DOCK2: variants seen among roughly 807,000 people sequenced by gnomAD.
DOCK2 encodes dedicator of cytokinesis protein 2.
Under a neutral mutation model 248.9 loss-of-function variants are expected in DOCK2, and 87 were observed. The ratio of observed to expected loss-of-function variants is 0.35; its 90% CI spans 0.29 to 0.42. The LOEUF is 0.42. DOCK2 is among the 10% of genes least tolerant of loss of function. The pLI is 1.00. For missense variants in DOCK2, 1,747 were observed against 2,300.2 expected (o/e 0.76, Z 4.92); for synonymous variants, 805 against 821.6 (o/e 0.98, Z 0.35).
chr5:169,737,208 G>A (rs1336503805), intron 22 of DOCK2, among the ~76,000 whole-genome samples: 2 of 152,138 alleles, frequency 1.3e-5, no homozygotes, highest in Admixed American at 6.5e-5. Flanking sequence ...GGTGTAGTAG[G>A]TGAAAATAAA....
chr5:169,888,977 C>T (rs1477275335), intron 27 of DOCK2, among the ~76,000 whole-genome samples: 1 of 152,156 alleles, frequency 6.6e-6, no homozygotes, highest in Admixed American at 6.5e-5. Flanking sequence ...TAGCATTGTG[C>T]TTGTCTCTCT....
In DOCK2 at chr5:169,728,838, G is replaced by A. The variant is rs183887418; in HGVS notation, c.2267+10047G>A. Among the ~76,000 whole-genome samples the A allele has an allele frequency of 4.9e-4, 74 of 152,234 alleles. 1 individual carries two copies. Among genetic ancestry groups the A allele is most frequent in the African/African-American group, 1.4e-3 (58 of 41,522 alleles). On this transcript the variant is annotated intron_variant, in intron 22 of 51. Coordinates refer to ENST00000520908, the MANE Select transcript of DOCK2 (RefSeq NM_004946.3). ...TTTCATACTTCACTCATAGCAAAGC[G>A]TAAGACACTGGTCTTGTCTGCTTCC...
At chr5:169,825,421 C>T (rs895167612) in intron 26 of DOCK2, among the ~76,000 whole-genome samples, 4 of 151,126 alleles carry the variant, frequency 2.6e-5, no homozygotes, top group Non-Finnish European at 5.9e-5. Context: ...ACATATACAC[C>T]GTGGAATACT....
chr5:169,724,536 G>A (rs78908126), intron 22 of DOCK2, among the ~76,000 whole-genome samples: 1 of 151,942 alleles, frequency 6.6e-6, no homozygotes, highest in Non-Finnish European at 1.5e-5. Context: ...ACCCCCGAGA[G>A]CCGAGAAAGC....
chr5:170,060,298 T>C (rs1322843235), intron 44 of DOCK2, among the ~76,000 whole-genome samples: 3 of 152,300 alleles, frequency 2.0e-5, no homozygotes, highest in East Asian at 3.9e-4. Context: ...GTTTTAATCA[T>C]CTGTAAATAG....
At chr5:169,976,107 C>G (rs1342034614) in intron 27 of DOCK2, among the ~76,000 whole-genome samples, 1 of 152,106 alleles carries the variant, frequency 6.6e-6, no homozygotes, top group Non-Finnish European at 1.5e-5. Context: ...ATGGGAAATT[C>G]TATAATAAAT....
At chr5:169,692,360 G>C (rs545938228) in intron 9 of DOCK2, among the ~76,000 whole-genome samples, 3 of 152,162 alleles carry the variant, frequency 2.0e-5, no homozygotes, top group Admixed American at 6.5e-5. Context: ...CAATACTTTC[G>C]AGTTTTGTAA....
At chr5:170,039,085 T>C (rs543253378) in intron 36 of DOCK2, among the ~76,000 whole-genome samples, 26 of 152,354 alleles carry the variant, frequency 1.7e-4, no homozygotes, top group African/African-American at 5.5e-4. Flanking sequence ...GAAATCTGCT[T>C]CTGGCTCTGG....
rs569699763 is a variant in DOCK2 at position 169,931,589 on chromosome 5, C to T, written c.2800-51479C>T. Reference sequence around the variant, plus strand: ...TTTAATTTCATTTCAGTTACTTATTCGCTGTTTGACTTTGGCAAACTGACA... The same window carrying T: ...TTTAATTTCATTTCAGTTACTTATTTGCTGTTTGACTTTGGCAAACTGACA... On this transcript the variant is annotated intron_variant, in intron 27 of 51. Coordinates refer to ENST00000520908, the MANE Select transcript of DOCK2 (RefSeq NM_004946.3). 2.5e-4 allele frequency among the ~76,000 whole-genome samples: 38 copies of T among 152,320 alleles called. 1 individual carries two copies. In the South Asian group the frequency reaches 3.7e-3, roughly 15 times the overall value.
chr5:169,839,463 A>T (rs1195026451), intron 26 of DOCK2, among the ~76,000 whole-genome samples: 2 of 152,164 alleles, frequency 1.3e-5, no homozygotes, highest in African/African-American at 4.8e-5. Context: ...AGAGCTTCTG[A>T]AGTTAAGATT....
chr5:169,819,108 C>T (rs1397894410), intron 26 of DOCK2, among the ~76,000 whole-genome samples: 2 of 152,156 alleles, frequency 1.3e-5, no homozygotes, highest in African/African-American at 4.8e-5. Flanking sequence ...TGTAGTTAAC[C>T]TTTCCAGAAA....
At chr5:169,727,270 G>A (rs1762530618) in intron 22 of DOCK2, among the ~76,000 whole-genome samples, 1 of 152,112 alleles carries the variant, frequency 6.6e-6, no homozygotes, top group Non-Finnish European at 1.5e-5. Context: ...CAACAACGCT[G>A]CAAAGCATAG....
rs115271850 is a variant in DOCK2, at chr5:169,637,821, T to G, written c.43+452T>G. ...TTTGCCTGCTTCCCCTGTCTGTTCCTCCTGGGTCAGATGACTCCTGATTTG... is the reference window on the plus strand; with the variant it reads ...TTTGCCTGCTTCCCCTGTCTGTTCCGCCTGGGTCAGATGACTCCTGATTTG... On this transcript the variant is annotated intron_variant, in intron 1 of 51. Coordinates refer to ENST00000520908, the MANE Select transcript of DOCK2 (RefSeq NM_004946.3). 4.0e-3 allele frequency among the ~76,000 whole-genome samples: 612 copies of G among 152,210 alleles called. 4 individuals carry two copies. The highest frequency in any genetic ancestry group is 0.014 in the African/African-American group (583 of 41,514).
intron 33 of DOCK2, among the ~76,000 whole-genome samples, chr5:170,024,471 C>G (rs1755837248): frequency 6.8e-6 from 1 of 148,004 alleles, no homozygotes; most frequent in Non-Finnish European, 1.5e-5. Flanking sequence ...TCTCCCTTGG[C>G]TGTTGTAAAG....
At chr5:169,874,477 G>A (rs1036618315) in intron 27 of DOCK2, among the ~76,000 whole-genome samples, 4 of 151,842 alleles carry the variant, frequency 2.6e-5, no homozygotes, top group Admixed American at 6.6e-5. Flanking sequence ...AAATGAGCGG[G>A]TGGTGGTGGC....
In DOCK2 at chr5:170,056,780, C is replaced by T; in HGVS notation, c.4380+12C>T. 1.9e-6 allele frequency: 3 copies of T among 1,612,126 alleles called. No homozygotes were observed. Among genetic ancestry groups the T allele is most frequent in the Admixed American group, 1.7e-5 (1 of 59,904 alleles). On this transcript the variant is annotated intron_variant, in intron 43 of 51. Coordinates refer to ENST00000520908, the MANE Select transcript of DOCK2 (RefSeq NM_004946.3). ...AGAATGAGTTTGCTGTGAGTATCTT[C>T]CCTACCCTTGATCATTCCCTGGAGC... is the stretch of plus-strand genomic sequence containing the variant.
chr5:169,794,696 G>A (rs975834554), intron 25 of DOCK2, among the ~76,000 whole-genome samples: 14 of 152,104 alleles, frequency 9.2e-5, no homozygotes, highest in Middle Eastern at 3.2e-3. Flanking sequence ...AGGCCGAGGC[G>A]GGCGGATCAC....
At chr5:169,880,798 G>A (rs924103789) in intron 27 of DOCK2, among the ~76,000 whole-genome samples, 19 of 152,192 alleles carry the variant, frequency 1.2e-4, no homozygotes, top group African/African-American at 4.6e-4. Flanking sequence ...AGTTTACACT[G>A]TATATCATGT....
In DOCK2 at chr5:170,042,078, G is replaced by A; in HGVS notation, c.3822G>A (p.Arg1274=). ...GCCAGCAGCACCCCCAGACACACCG[G>A]CAGCTGAAGGAGACGCTCTACGAGA... The part of the protein sequence containing the change: ...QTGQQHPQTH[R]QLKETLYETI... Residue 1274 remains arginine, a synonymous_variant, in exon 38 of 52, where the codon CGG becomes CGA. Transcript: ENST00000520908. 6.2e-7 allele frequency: 1 copy of A among 1,613,652 alleles called. No homozygotes were observed. Among genetic ancestry groups the A allele is most frequent in the South Asian group, 1.1e-5 (1 of 91,056 alleles).
Sources: allele counts gnomAD v4.1 joint callset (sites outside exome capture counted in the v4.1 genomes callset), GRCh38; gene constraint gnomAD v4.1.1; transcripts MANE v1.5; gene names NCBI Gene and HGNC (gene_info 2026-07-23, HGNC 2026-07-21).